MAPKAP1: variants seen among roughly 807,000 people sequenced by gnomAD.
MAPKAP1 encodes target of rapamycin complex 2 subunit MAPKAP1.
In MAPKAP1, 20 loss-of-function variants were observed where a neutral mutation model predicts 65.7. That is an observed-to-expected ratio of 0.30 (90% confidence interval 0.21 to 0.44). The LOEUF is 0.44. Ranked by LOEUF, MAPKAP1 falls within the 20% of genes least tolerant of loss-of-function variation. MAPKAP1 has a pLI of 1.00. For missense variants in MAPKAP1, 423 were observed against 648.0 expected (o/e 0.65, Z 3.77); for synonymous variants, 222 against 244.3 (o/e 0.91, Z 0.85).
At chr9:125,567,382 A>C (rs1482406703) in intron 5 of MAPKAP1, among the ~76,000 whole-genome samples, 8 of 152,128 alleles carry the variant, frequency 5.3e-5, no homozygotes, top group Admixed American at 5.2e-4. Context: ...AACCCACTGA[A>C]ACCAAAATGG....
chr9:125,522,207 ACCAGC>A (rs1232045754), intron 7 of MAPKAP1, among the ~76,000 whole-genome samples: 2 of 152,252 alleles, frequency 1.3e-5, no homozygotes. Flanking sequence ...GAATGGTTGG[ACCAGC>A]CTTTGCAGGA....
intron 5 of MAPKAP1, among the ~76,000 whole-genome samples, chr9:125,571,789 G>C (rs1831240324): frequency 6.6e-6 from 1 of 152,102 alleles, no homozygotes; most frequent in Admixed American, 6.6e-5. Context: ...CTTGAACCTG[G>C]GAGGCAGAGA....
intron 7 of MAPKAP1, among the ~76,000 whole-genome samples, chr9:125,519,672 A>ATATATATATATATATATATATATAT: frequency 6.8e-6 from 1 of 147,342 alleles, no homozygotes. Flanking sequence ...ATATATATAT[A>ATATATATATATATATATATATATAT]ATTTAAAAAA....
At chr9:125,489,029 G>A (rs1854603734) in intron 8 of MAPKAP1, among the ~76,000 whole-genome samples, 1 of 152,162 alleles carries the variant, frequency 6.6e-6, no homozygotes, top group African/African-American at 2.4e-5. Flanking sequence ...CATGAAAGAT[G>A]AAAGATGCTT....
intron 3 of MAPKAP1, among the ~76,000 whole-genome samples, chr9:125,660,197 T>G (rs1050669554): frequency 6.6e-6 from 1 of 152,192 alleles, no homozygotes; most frequent in Admixed American, 6.5e-5. Context: ...TCCAGTCGTA[T>G]GCTTTTAAAT....
intron 4 of MAPKAP1, among the ~76,000 whole-genome samples, chr9:125,643,818 G>A (rs985844708): frequency 1.1e-4 from 16 of 152,054 alleles, no homozygotes; most frequent in Admixed American, 6.6e-4. Context: ...AGAAAACTTC[G>A]CCAATTTTTG....
chr9:125,669,817 C>A lies in MAPKAP1; in HGVS notation c.349+1G>T. The stretch of plus-strand genomic sequence containing the variant: ...TAAGAATTAAAATCATTTCCATTTA[C>A]CTGATTGCTTAGAATTTCTTTCTTT... On this transcript the variant is annotated splice_donor_variant, in intron 3 of 11. Transcript: ENST00000265960. LOFTEE classifies it high-confidence loss of function. 1 of 1,476,294 alleles carries A rather than the reference C, an allele frequency of 6.8e-7. No homozygotes were observed. The highest frequency in any genetic ancestry group is 9.4e-7 in the Non-Finnish European group (1 of 1,068,012). The allele number at this position is 1,476,294 out of a possible 1,614,324, so 91.4% of individuals were successfully genotyped here.
At chr9:125,498,837 T>C (rs1375935655) in intron 8 of MAPKAP1, among the ~76,000 whole-genome samples, 1 of 152,192 alleles carries the variant, frequency 6.6e-6, no homozygotes, top group Non-Finnish European at 1.5e-5. Flanking sequence ...TCTCCTTCCC[T>C]TTCCATTCTG....
At chr9:125,520,918 T>C (rs1054523837) in intron 7 of MAPKAP1, among the ~76,000 whole-genome samples, 1 of 152,148 alleles carries the variant, frequency 6.6e-6, no homozygotes, top group African/African-American at 2.4e-5. Flanking sequence ...TGGAAGACCA[T>C]CATTGACAGG....
At chr9:125,698,286 T>TAA (rs1286147958) in intron 1 of MAPKAP1, among the ~76,000 whole-genome samples, 1 of 25,802 alleles carries the variant, frequency 3.9e-5, no homozygotes, top group Non-Finnish European at 6.6e-5. Context: ...ATAATATATA[T>TAA]AAATATATAT....
chr9:125,536,545 C>T (rs189762227), intron 7 of MAPKAP1, among the ~76,000 whole-genome samples: 1 of 152,058 alleles, frequency 6.6e-6, no homozygotes, highest in Non-Finnish European at 1.5e-5. Flanking sequence ...GAATTTACTG[C>T]TTTTTGACAA....
intron 1 of MAPKAP1, among the ~76,000 whole-genome samples, chr9:125,700,848 G>C (rs538768402): frequency 6.6e-6 from 1 of 152,248 alleles, no homozygotes; most frequent in East Asian, 1.9e-4. Context: ...TTAAACTCTT[G>C]GGCTGGGAAC....
At chr9:125,676,148 G>A (rs956248679) in intron 1 of MAPKAP1, among the ~76,000 whole-genome samples, 1 of 152,144 alleles carries the variant, frequency 6.6e-6, no homozygotes, top group African/African-American at 2.4e-5. Context: ...GCACTCTCAT[G>A]CACAATATGA....
At chr9:125,690,614 C>A (rs1359713296) in intron 1 of MAPKAP1, among the ~76,000 whole-genome samples, 1 of 152,120 alleles carries the variant, frequency 6.6e-6, no homozygotes, top group Admixed American at 6.5e-5. Context: ...AGTGCCTGAC[C>A]CATGGTAAGC....
intron 4 of MAPKAP1, among the ~76,000 whole-genome samples, chr9:125,619,741 T>TTTA (rs1296982827): frequency 1.2e-4 from 19 of 152,092 alleles, no homozygotes; most frequent in Admixed American, 1.1e-3. Flanking sequence ...TTTCTCCACA[T>TTTA]TGATTAATTC....
intron 7 of MAPKAP1, among the ~76,000 whole-genome samples, chr9:125,521,142 T>C (rs1299899633): frequency 6.6e-6 from 1 of 152,182 alleles, no homozygotes; most frequent in Non-Finnish European, 1.5e-5. Context: ...AGGAGCCTCA[T>C]ATATGCGGTT....
chr9:125,635,913 TCA>T (rs1833410219), intron 4 of MAPKAP1, among the ~76,000 whole-genome samples: 1 of 152,226 alleles, frequency 6.6e-6, no homozygotes, highest in African/African-American at 2.4e-5. Context: ...TGATAAGTTT[TCA>T]CTAAATTAAA....
intron 7 of MAPKAP1, among the ~76,000 whole-genome samples, chr9:125,541,998 G>A (rs181063974): frequency 3.3e-5 from 5 of 152,334 alleles, no homozygotes; most frequent in Admixed American, 1.3e-4. Flanking sequence ...CTCCTGGCAA[G>A]CATCCAAATT....
At chr9:125,578,745 T>C (rs1831527495) in intron 5 of MAPKAP1, among the ~76,000 whole-genome samples, 1 of 152,188 alleles carries the variant, frequency 6.6e-6, no homozygotes, top group Admixed American at 6.5e-5. Context: ...GTGCATACTA[T>C]TGAAATATTA....
Sources: allele counts gnomAD v4.1 joint callset (sites outside exome capture counted in the v4.1 genomes callset), GRCh38; gene constraint gnomAD v4.1.1; transcripts MANE v1.5; gene names NCBI Gene and HGNC (gene_info 2026-07-23, HGNC 2026-07-21).